PAM: variants seen among roughly 807,000 people sequenced by gnomAD.
The protein encoded by PAM is peptidyl-glycine alpha-amidating monooxygenase.
In PAM, 72 loss-of-function variants were observed where a neutral mutation model predicts 122.1. The observed-to-expected ratio is 0.59, with a 90% CI of 0.49 to 0.72. The LOEUF is 0.72. Among genes scored for constraint, PAM ranks in the 30% least tolerant of loss-of-function variants. The pLI, the probability that PAM is intolerant of heterozygous loss-of-function variation, is 0.00. For synonymous variants in PAM, 389 were observed against 404.4 expected, an observed-to-expected ratio of 0.96 and a Z score of 0.46; for missense variants, 1,106 against 1,183.7, an observed-to-expected ratio of 0.93 and a Z score of 0.96.
chr5:102,813,401 G>A (rs1186948983), intron 1 of PAM, among the ~76,000 whole-genome samples: 1 of 152,120 alleles, frequency 6.6e-6, no homozygotes, highest in African/African-American at 2.4e-5. Flanking sequence ...TCCCAATGAT[G>A]GCAGTAAAGT....
intron 4 of PAM, among the ~76,000 whole-genome samples, chr5:102,902,521 T>C (rs1361408563): frequency 1.3e-5 from 2 of 151,608 alleles, no homozygotes; most frequent in African/African-American, 4.8e-5. Context: ...GGAAGCCAAG[T>C]TCTTCTATAT....
chr5:102,950,187 G>A (rs1758329561), intron 11 of PAM, among the ~76,000 whole-genome samples: 1 of 151,984 alleles, frequency 6.6e-6, no homozygotes, highest in Non-Finnish European at 1.5e-5. Context: ...CCATGTTGGT[G>A]GCCTTTCACA....
At chr5:102,900,256 G>GTGT (rs1336386033) in intron 3 of PAM, among the ~76,000 whole-genome samples, 1 of 114,408 alleles carries the variant, frequency 8.7e-6, no homozygotes, top group Non-Finnish European at 1.7e-5. Flanking sequence ...TGTGTGTGTG[G>GTGT]GGGGGGGGCG....
chr5:103,025,387 G>C, intron 24 of PAM, 53 bp downstream of exon 24: 1 of 1,408,254 alleles, frequency 7.1e-7, no homozygotes, highest in Non-Finnish European at 1.0e-6. Flanking sequence ...AGAGTGTTTG[G>C]CCTAATTATC....
intron 1 of PAM, among the ~76,000 whole-genome samples, chr5:102,785,311 A>G (rs918758023): frequency 6.6e-6 from 1 of 152,228 alleles, no homozygotes; most frequent in African/African-American, 2.4e-5. Flanking sequence ...AGCCTTTCAA[A>G]TGAATCTCAT....
chr5:102,903,532 A>G (rs1342226642), intron 4 of PAM, among the ~76,000 whole-genome samples: 2 of 151,560 alleles, frequency 1.3e-5, no homozygotes, highest in African/African-American at 4.8e-5. Context: ...CTGTGACTTA[A>G]TGAGGAGCTA....
intron 21 of PAM, among the ~76,000 whole-genome samples, chr5:103,010,479 G>C (rs924487774): frequency 2.0e-5 from 3 of 152,114 alleles, no homozygotes; most frequent in Non-Finnish European, 4.4e-5. Flanking sequence ...TGTCTTCTCA[G>C]TGTACTTACT....
chr5:103,013,604 G>A (rs1347451051), intron 21 of PAM, among the ~76,000 whole-genome samples: 7 of 152,000 alleles, frequency 4.6e-5, no homozygotes, highest in African/African-American at 7.3e-5. Flanking sequence ...GTTGAGTAAC[G>A]GTGGTAAAAG....
chr5:102,805,523 G>A (rs948358972), intron 1 of PAM, among the ~76,000 whole-genome samples: 15 of 152,142 alleles, frequency 9.9e-5, no homozygotes, highest in Admixed American at 3.9e-4. Flanking sequence ...GTCAGAGCTC[G>A]ATGGGGCCAG....
intron 1 of PAM, among the ~76,000 whole-genome samples, chr5:102,765,010 A>G (rs1224653423): frequency 6.6e-6 from 1 of 151,712 alleles, no homozygotes; most frequent in Non-Finnish European, 1.5e-5. Flanking sequence ...TTTTCTTTCT[A>G]TTGGCCTATT....
intron 21 of PAM, among the ~76,000 whole-genome samples, chr5:103,015,647 G>T (rs1781759741): frequency 6.6e-6 from 1 of 152,096 alleles, no homozygotes; most frequent in Non-Finnish European, 1.5e-5. Flanking sequence ...TTCATAATGA[G>T]CAAGAAGACA....
At chr5:102,888,728 C>G (rs1793901923) in intron 3 of PAM, among the ~76,000 whole-genome samples, 1 of 151,926 alleles carries the variant, frequency 6.6e-6, no homozygotes, top group Non-Finnish European at 1.5e-5. Flanking sequence ...TGTGTGAAAA[C>G]TTAATGTCTC....
At chr5:102,775,906 G>A (rs1172966783) in intron 1 of PAM, among the ~76,000 whole-genome samples, 2 of 152,126 alleles carry the variant, frequency 1.3e-5, no homozygotes, top group African/African-American at 4.8e-5. Flanking sequence ...CATCCTTGAG[G>A]AATTGCCAAA....
chr5:102,833,392 C>T (rs1775984464), intron 1 of PAM, among the ~76,000 whole-genome samples: 1 of 152,030 alleles, frequency 6.6e-6, no homozygotes, highest in Admixed American at 6.6e-5. Flanking sequence ...CTTCAAGGGG[C>T]TTTTTTGTAG....
chr5:102,910,385 C>T lies in PAM; in HGVS notation c.269-3549C>T, dbSNP rs77629729. On this transcript the variant is annotated intron_variant, in intron 4 of 25. Coordinates refer to ENST00000438793, the MANE Select transcript of PAM (RefSeq NM_001177306.2). ...CGACATTATCCTTTGAGAAACCCTC[C>T]AACCTCTGTGCTTTCAGTGTCATCA... Among the ~76,000 whole-genome samples the T allele has an allele frequency of 6.6e-3, 1,010 of 152,006 alleles. 8 individuals carry two copies. The highest frequency in any genetic ancestry group is 0.012 in the Non-Finnish European group (842 of 67,916).
chr5:102,990,907 C>T (rs1773873428), intron 16 of PAM, among the ~76,000 whole-genome samples: 1 of 152,118 alleles, frequency 6.6e-6, no homozygotes, highest in African/African-American at 2.4e-5. Context: ...AGTAACTTGG[C>T]CTTAAGGTTT....
Position 102,871,009 on chromosome 5 carries a change from G to A in PAM, c.210+3616G>A, listed in dbSNP as rs551007825. ...TTGACATGTTAACTATCCCTTTGGTGTTGGATTTCAAAATAAATAAAGGTA... is the reference window on the plus strand; with the variant it reads ...TTGACATGTTAACTATCCCTTTGGTATTGGATTTCAAAATAAATAAAGGTA... On this transcript the variant is annotated intron_variant, in intron 3 of 25. Transcript: ENST00000438793. Among the ~76,000 whole-genome samples the A allele has an allele frequency of 2.7e-3, 417 of 152,284 alleles. 3 individuals carry two copies. Among genetic ancestry groups the A allele is most frequent in the Middle Eastern group, 6.8e-3 (2 of 294 alleles).
intron 1 of PAM, among the ~76,000 whole-genome samples, chr5:102,810,465 T>G (rs1767567132): frequency 6.6e-6 from 1 of 152,146 alleles, no homozygotes; most frequent in South Asian, 2.1e-4. Context: ...AAATGTCAGG[T>G]CTGTAGACTT....
intron 4 of PAM, among the ~76,000 whole-genome samples, chr5:102,901,614 T>G (rs1797922532): frequency 6.6e-6 from 1 of 151,632 alleles, no homozygotes; most frequent in Non-Finnish European, 1.5e-5. Context: ...GAGAGATTCA[T>G]GAGTAATAGT....
Sources: allele counts gnomAD v4.1 joint callset (sites outside exome capture counted in the v4.1 genomes callset), GRCh38; gene constraint gnomAD v4.1.1; transcripts MANE v1.5; gene names NCBI Gene and HGNC (gene_info 2026-07-23, HGNC 2026-07-21).